Variants in LUZP2 observed in about 807,000 individuals in gnomAD.
LUZP2 encodes leucine zipper protein 2.
Under a neutral mutation model 51.6 loss-of-function variants are expected in LUZP2, and 52 were observed. The ratio of observed to expected loss-of-function variants is 1.01; its 90% confidence interval spans 0.81 to 1.27. The LOEUF is 1.27. LUZP2 is among the 50% of genes most tolerant of loss of function. LUZP2 has a pLI of 0.00. For missense variants in LUZP2, 436 were observed against 395.4 expected (o/e 1.10, Z -0.87); for synonymous variants, 154 against 137.3 (o/e 1.12, Z -0.85).
chr11:24,909,885 G>C (rs1853571039), intron 6 of LUZP2, among the ~76,000 whole-genome samples: 1 of 152,118 alleles, frequency 6.6e-6, no homozygotes, highest in Non-Finnish European at 1.5e-5. Context: ...CTGGCTAACA[G>C]GCAGAGGTTG....
At chr11:24,557,235 G>C (rs928023896) in intron 1 of LUZP2, among the ~76,000 whole-genome samples, 1 of 147,242 alleles carries the variant, frequency 6.8e-6, no homozygotes, top group Non-Finnish European at 1.5e-5. Context: ...CAGCATTATC[G>C]TTGCTAAAAA....
At chr11:25,044,486 G>A (rs564840208) in intron 9 of LUZP2, among the ~76,000 whole-genome samples, 12 of 151,756 alleles carry the variant, frequency 7.9e-5, no homozygotes, top group Non-Finnish European at 1.6e-4. Context: ...TATTGTTTTT[G>A]AAAGCAAGCA....
At chr11:25,006,680 A>G (rs896524576) in intron 9 of LUZP2, among the ~76,000 whole-genome samples, 4 of 152,118 alleles carry the variant, frequency 2.6e-5, no homozygotes, top group African/African-American at 9.7e-5. Flanking sequence ...GGCACTCACC[A>G]CTTGGCGATA....
chr11:24,897,424 G>C (rs1000255211), intron 5 of LUZP2, among the ~76,000 whole-genome samples: 1 of 152,166 alleles, frequency 6.6e-6, no homozygotes, highest in African/African-American at 2.4e-5. Context: ...CATTGCGAAG[G>C]TCCACAGCTT....
At chr11:24,769,776 A>G (rs1254431000) in intron 5 of LUZP2, among the ~76,000 whole-genome samples, 1 of 149,988 alleles carries the variant, frequency 6.7e-6, no homozygotes, top group Admixed American at 6.6e-5. Context: ...AGGGAATCAC[A>G]CTAAATTCTC....
intron 9 of LUZP2, among the ~76,000 whole-genome samples, chr11:25,027,699 A>G (rs768693560): frequency 6.6e-6 from 1 of 151,802 alleles, no homozygotes; most frequent in Non-Finnish European, 1.5e-5. Context: ...GTGAAACCCC[A>G]TCTCTACTAA....
chr11:24,949,670 T>A (rs1855018873), intron 7 of LUZP2, among the ~76,000 whole-genome samples: 1 of 151,552 alleles, frequency 6.6e-6, no homozygotes, highest in Non-Finnish European at 1.5e-5. Context: ...TTGAATGAAA[T>A]TTTATACATG....
intron 1 of LUZP2, among the ~76,000 whole-genome samples, chr11:24,585,453 T>A (rs1853031365): frequency 6.6e-6 from 1 of 152,192 alleles, no homozygotes; most frequent in Non-Finnish European, 1.5e-5. Flanking sequence ...CTTTTATGTT[T>A]CACTGAATTG....
At chr11:24,718,653 A>AT (rs1354049410) in intron 1 of LUZP2, among the ~76,000 whole-genome samples, 4 of 152,160 alleles carry the variant, frequency 2.6e-5, no homozygotes, top group Admixed American at 6.5e-5. Context: ...ATCAAACAAC[A>AT]TTTTTTCAGT....
At chr11:24,767,296 T>C (rs1191249279) in intron 5 of LUZP2, among the ~76,000 whole-genome samples, 1 of 152,184 alleles carries the variant, frequency 6.6e-6, no homozygotes, top group African/African-American at 2.4e-5. Flanking sequence ...GTGTAATCCT[T>C]CTGTTAAAAA....
intron 1 of LUZP2, among the ~76,000 whole-genome samples, chr11:24,517,208 G>A (rs1349367457): frequency 2.0e-5 from 3 of 151,962 alleles, no homozygotes; most frequent in East Asian, 1.9e-4. Flanking sequence ...GGTACAGGCC[G>A]GGCACGATGG....
intron 1 of LUZP2, among the ~76,000 whole-genome samples, chr11:24,603,631 C>G (rs562032216): frequency 1.3e-5 from 2 of 151,818 alleles, no homozygotes; most frequent in South Asian, 4.1e-4. Flanking sequence ...TATAAGTATA[C>G]AATCCTGTAT....
intron 5 of LUZP2, among the ~76,000 whole-genome samples, chr11:24,765,655 T>C (rs1860162994): frequency 6.8e-6 from 1 of 146,840 alleles, no homozygotes; most frequent in Non-Finnish European, 1.5e-5. Flanking sequence ...TGAGACGGAG[T>C]CTCACTCTGT....
At chr11:24,619,609 CT>C (rs1258251124) in intron 1 of LUZP2, among the ~76,000 whole-genome samples, 2 of 152,044 alleles carry the variant, frequency 1.3e-5, no homozygotes, top group Non-Finnish European at 2.9e-5. Context: ...ACAGTTATCC[CT>C]CAGTATTTAT....
At chr11:24,572,399 T>G (rs1031764880) in intron 1 of LUZP2, among the ~76,000 whole-genome samples, 6 of 152,030 alleles carry the variant, frequency 3.9e-5, no homozygotes, top group Non-Finnish European at 5.9e-5. Context: ...ACTTTTTTTT[T>G]GAACACAGAA....
chr11:24,776,070 T>G (rs1323153373), intron 5 of LUZP2, among the ~76,000 whole-genome samples: 3 of 152,290 alleles, frequency 2.0e-5, no homozygotes, highest in East Asian at 1.9e-4. Flanking sequence ...AAAAGTTTCT[T>G]AAGTTCTAAA....
At chr11:24,700,599 T>C (rs1432737308) in intron 1 of LUZP2, among the ~76,000 whole-genome samples, 6 of 152,150 alleles carry the variant, frequency 3.9e-5, no homozygotes, top group African/African-American at 7.2e-5. Flanking sequence ...TTAAATGCTA[T>C]ATCCCCCAAA....
At chr11:24,582,006 C>A (rs970590120) in intron 1 of LUZP2, among the ~76,000 whole-genome samples, 3 of 152,118 alleles carry the variant, frequency 2.0e-5, no homozygotes, top group East Asian at 3.9e-4. Context: ...GCTGGACATG[C>A]TTTCTTCTGT....
At chr11:24,764,844 G>A (rs910872089) in intron 5 of LUZP2, among the ~76,000 whole-genome samples, 1 of 151,878 alleles carries the variant, frequency 6.6e-6, no homozygotes, top group Admixed American at 6.6e-5. Context: ...ATAAATAAAC[G>A]CAAAACTATG....
Sources: allele counts gnomAD v4.1 joint callset (sites outside exome capture counted in the v4.1 genomes callset), GRCh38; gene constraint gnomAD v4.1.1; transcripts MANE v1.5; gene names NCBI Gene and HGNC (gene_info 2026-07-23, HGNC 2026-07-21).